ADAMTS19: variants seen among roughly 807,000 people sequenced by gnomAD.
ADAMTS19 encodes A disintegrin and metalloproteinase with thrombospondin motifs 19.
Under a neutral mutation model 153.3 loss-of-function variants are expected in ADAMTS19, and 93 were observed. That is an observed-to-expected ratio of 0.61 (90% CI 0.51 to 0.72). ADAMTS19 has a LOEUF of 0.72. Among genes scored for constraint, ADAMTS19 ranks in the 30% least tolerant of loss-of-function variants. ADAMTS19 has a pLI of 0.00. For synonymous variants in ADAMTS19, 600 were observed against 556.6 expected, an observed-to-expected ratio of 1.08 and a Z score of -1.10; for missense variants, 1,482 against 1,552.1, an observed-to-expected ratio of 0.95 and a Z score of 0.76.
chr5:129,719,406 C>A (rs1417172653), intron 21 of ADAMTS19, among the ~76,000 whole-genome samples: 1 of 152,100 alleles, frequency 6.6e-6, no homozygotes, highest in Non-Finnish European at 1.5e-5. Flanking sequence ...TTCAGAGTGA[C>A]AAATGACTAG....
chr5:129,580,760 G>A (rs1749473819), intron 7 of ADAMTS19, among the ~76,000 whole-genome samples: 1 of 152,166 alleles, frequency 6.6e-6, no homozygotes, highest in African/African-American at 2.4e-5. Context: ...TGTTGAACCA[G>A]CCTTGTATCC....
At chr5:129,671,886 C>T (rs186183720) in intron 16 of ADAMTS19, among the ~76,000 whole-genome samples, 2 of 151,702 alleles carry the variant, frequency 1.3e-5, no homozygotes, top group East Asian at 1.9e-4. Flanking sequence ...GTATGTAAAG[C>T]ACTATGGACA....
At chr5:129,543,124 A>G (rs1324065671) in intron 6 of ADAMTS19, among the ~76,000 whole-genome samples, 1 of 150,956 alleles carries the variant, frequency 6.6e-6, no homozygotes, top group Non-Finnish European at 1.5e-5. Context: ...ATCTTGGCTC[A>G]CCACAACCTC....
chr5:129,561,920 G>T (rs140717301), intron 7 of ADAMTS19, among the ~76,000 whole-genome samples: 13 of 152,090 alleles, frequency 8.5e-5, no homozygotes, highest in African/African-American at 3.1e-4. Flanking sequence ...TAAGTTTTGA[G>T]AAGCTGTCAA....
In ADAMTS19 at chr5:129,471,928, C is replaced by T. The variant is rs143401580; in HGVS notation, c.747+10171C>T. Among the ~76,000 whole-genome samples the T allele has an allele frequency of 2.0e-5, 3 of 152,284 alleles. No individual in the cohort carries two copies. The East Asian group carries it at 5.8e-4, about 29-fold the overall frequency. Reference sequence around the variant, plus strand: ...ACAGTGTTCTATAGTGTGTATGTACCACATTTTCTTTATTCAGTCTACCAT... The same window carrying T: ...ACAGTGTTCTATAGTGTGTATGTACTACATTTTCTTTATTCAGTCTACCAT... On this transcript the variant is annotated intron_variant, in intron 2 of 22. Transcript: ENST00000274487.
At chr5:129,624,475 C>T (rs975196188) in intron 10 of ADAMTS19, among the ~76,000 whole-genome samples, 1 of 152,114 alleles carries the variant, frequency 6.6e-6, no homozygotes, top group Non-Finnish European at 1.5e-5. Flanking sequence ...GCTGAAGTTA[C>T]TATTATTTTA....
At position 129,702,929 on chromosome 5, in the gene ADAMTS19, C is replaced by CAAAAAA. The variant is rs376208133; in HGVS notation, c.3160-1302_3160-1297dup. Among the ~76,000 whole-genome samples the CAAAAAA allele has an allele frequency of 8.4e-4, 37 of 44,244 alleles. 1 individual carries two copies. Among genetic ancestry groups the CAAAAAA allele is most frequent in the Admixed American group, 2.1e-3 (7 of 3,394 alleles). 29.0% of individuals were successfully genotyped at this position (44,244 alleles called of 152,430 possible). On this transcript the variant is annotated intron_variant, in intron 20 of 22. Transcript: ENST00000274487. ...ATGAATCAGGCATAGTTTGACTTGC[C>CAAAAAA]AAAAAAAAAAAAATATATATATATA...
intron 2 of ADAMTS19, among the ~76,000 whole-genome samples, chr5:129,490,322 A>G (rs1750724613): frequency 6.6e-6 from 1 of 152,202 alleles, no homozygotes; most frequent in African/African-American, 2.4e-5. Context: ...GATCAACTGT[A>G]AAATGCACAC....
intron 8 of ADAMTS19, among the ~76,000 whole-genome samples, chr5:129,609,836 C>A (rs925095971): frequency 7.2e-5 from 11 of 152,226 alleles, no homozygotes; most frequent in Middle Eastern, 3.4e-3. Context: ...TTGGCAAATG[C>A]ATGTCCTAGA....
intron 7 of ADAMTS19, among the ~76,000 whole-genome samples, chr5:129,588,570 T>A (rs6595913): frequency 0.84 from 126,920 of 151,882 alleles, 53,283 homozygotes; most frequent in Non-Finnish European, 0.88. Flanking sequence ...GAATTATCTA[T>A]ATTTTATCAT....
chr5:129,694,143 T>A (rs1370564456), intron 18 of ADAMTS19, among the ~76,000 whole-genome samples: 1 of 152,218 alleles, frequency 6.6e-6, no homozygotes, highest in East Asian at 1.9e-4. Flanking sequence ...ATCTTGCTAA[T>A]TTATGTTGCC....
intron 7 of ADAMTS19, among the ~76,000 whole-genome samples, chr5:129,582,773 T>A (rs1749584831): frequency 6.6e-6 from 1 of 150,850 alleles, no homozygotes; most frequent in South Asian, 2.1e-4. Flanking sequence ...TAGTAGACCA[T>A]GTTAGCCAGG....
chr5:129,505,075 A>G (rs1170145377), intron 2 of ADAMTS19, among the ~76,000 whole-genome samples: 1 of 152,086 alleles, frequency 6.6e-6, no homozygotes, highest in East Asian at 1.9e-4. Flanking sequence ...GTTTTTTAAA[A>G]ATAGGATTTT....
At chr5:129,710,739 A>C (rs1756413507) in intron 21 of ADAMTS19, among the ~76,000 whole-genome samples, 1 of 152,202 alleles carries the variant, frequency 6.6e-6, no homozygotes, top group African/African-American at 2.4e-5. Context: ...TAATAATCAT[A>C]GAGGACATTT....
chr5:129,602,987 T>G (rs1449168782), intron 8 of ADAMTS19, among the ~76,000 whole-genome samples: 2 of 152,134 alleles, frequency 1.3e-5, no homozygotes, highest in African/African-American at 4.8e-5. Flanking sequence ...TGGTCTGTGA[T>G]GAGATAGGGA....
intron 2 of ADAMTS19, among the ~76,000 whole-genome samples, chr5:129,464,617 A>G (rs1210960025): frequency 3.9e-5 from 6 of 152,210 alleles, no homozygotes; most frequent in Admixed American, 3.3e-4. Flanking sequence ...GAACATTTAT[A>G]AGATTGACCA....
chr5:129,471,078 G>A (rs1437842784), intron 2 of ADAMTS19, among the ~76,000 whole-genome samples: 2 of 126,232 alleles, frequency 1.6e-5, no homozygotes, highest in Admixed American at 7.9e-5. Flanking sequence ...TCAGGCGGTG[G>A]GATGTATGGG....
intron 2 of ADAMTS19, among the ~76,000 whole-genome samples, chr5:129,469,702 G>A (rs1749997177): frequency 1.3e-5 from 2 of 152,104 alleles, no homozygotes; most frequent in African/African-American, 4.8e-5. Context: ...ACAGTTCTTT[G>A]CTTCAAGGTG....
chr5:129,464,296 T>G (rs1369409112), intron 2 of ADAMTS19, among the ~76,000 whole-genome samples: 1 of 152,252 alleles, frequency 6.6e-6, no homozygotes, highest in East Asian at 1.9e-4. Context: ...TCTTCCTTTA[T>G]ATCTCAAGAA....
Sources: gnomAD v4.1 joint callset for allele counts (sites outside exome capture counted in the v4.1 genomes callset) on GRCh38, gnomAD v4.1.1 for gene constraint, MANE v1.5 for transcripts, NCBI Gene and HGNC (gene_info 2026-07-23, HGNC 2026-07-21) for gene names.